Variants in TNK2 observed in about 807,000 individuals in gnomAD.
TNK2 encodes activated CDC42 kinase 1.
TNK2 carries 83 observed loss-of-function variants against 101.8 expected under a neutral mutation model. The ratio of observed to expected loss-of-function variants is 0.82; its 90% CI spans 0.68 to 0.98. The LOEUF (loss-of-function observed/expected upper bound fraction) is 0.98. TNK2 is among the 50% of genes least tolerant of loss of function. The pLI, the probability that TNK2 is intolerant of heterozygous loss-of-function variation, is 0.00. For missense variants in TNK2, 1,665 were observed against 1,483.2 expected, an observed-to-expected ratio of 1.12 and a Z score of -2.01; for synonymous variants, 804 against 633.0, an observed-to-expected ratio of 1.27 and a Z score of -4.06.
rs746486555 is a variant in TNK2 at position 195,868,278 on chromosome 3, C to A, written c.2020G>T (p.Val674Phe). 1 of 1,604,100 alleles carries A rather than the reference C, an allele frequency of 6.2e-7. No homozygotes were observed. Among genetic ancestry groups the A allele is most frequent in the Non-Finnish European group, 8.5e-7 (1 of 1,179,550 alleles). ...SINSTLVGAG[V>F]PAGPSQGQTN... ...TGGCCCTGGCTGGGCCCGGCAGGGA[C>A]CCCCGCGCCCACGAGGGTGCTGTTG... The change falls in exon 13 of 16, where the codon GTC (valine) becomes TTC (phenylalanine). Residue 674 changes from valine to phenylalanine, a missense_variant. This residue lies in a region of TNK2 where 1,136 missense variants were observed against 894.9 expected (regional missense o/e 1.27). Coordinates refer to ENST00000672887, the MANE Select transcript of TNK2 (RefSeq NM_001382273.1).
chr3:195,876,347 A>G (rs1325410116), intron 9 of TNK2: 1 of 452,476 alleles, frequency 2.2e-6, no homozygotes, highest in African/African-American at 2.0e-5. Context: ...TACTGGACAC[A>G]GCTTCGCAAG....
At chr3:195,881,592 CA>C (rs1560513152) in intron 6 of TNK2, among the ~76,000 whole-genome samples, 1 of 104,960 alleles carries the variant, frequency 9.5e-6, no homozygotes, top group African/African-American at 4.3e-5. Context: ...AACACCCCCC[CA>C]GCGATGCCCC....
At chr3:195,897,569 T>C (rs902352680) in intron 1 of TNK2, among the ~76,000 whole-genome samples, 2 of 152,206 alleles carry the variant, frequency 1.3e-5, no homozygotes, top group East Asian at 1.9e-4. Flanking sequence ...TGGTGCGATC[T>C]TGGCTCACTG....
At chr3:195,866,749 G>C (rs1345572563) in intron 15 of TNK2, 140 bp downstream of exon 15, 1 of 1,260,600 alleles carries the variant, frequency 7.9e-7, no homozygotes, top group South Asian at 1.5e-5. Flanking sequence ...GGCCCTGTGA[G>C]CGCCTCCCTC....
intron 1 of TNK2, among the ~76,000 whole-genome samples, chr3:195,907,350 G>A (rs1329484500): frequency 6.6e-6 from 1 of 152,184 alleles, no homozygotes; most frequent in Non-Finnish European, 1.5e-5. Flanking sequence ...TCCAGCAGCT[G>A]CTACCTCCAG....
At position 195,885,083 on chromosome 3, in the gene TNK2, G is replaced by A; in HGVS notation, c.235-50C>T. ...GATGGAATCCAACACCCCAGGGTCA[G>A]TCACTCAGTCCCACCCCGCTGGGTC... On this transcript the variant is annotated intron_variant, in intron 3 of 15. Coordinates refer to ENST00000672887, the MANE Select transcript of TNK2 (RefSeq NM_001382273.1). The surrounding 1 kb of genome is among the most constrained non-coding windows in gnomAD (Gnocchi z 4.7). 1 of 1,512,734 alleles carries A rather than the reference G, an allele frequency of 6.6e-7. No homozygotes were observed. The highest frequency in any genetic ancestry group is 8.9e-7 in the Non-Finnish European group (1 of 1,119,026). The allele number at this position is 1,512,734 out of a possible 1,614,324, so 93.7% of individuals were successfully genotyped here.
Position 195,867,221 on chromosome 3 carries a change from G to A in TNK2, c.2981C>T (p.Ala994Val), listed in dbSNP as rs571171423. 3.0e-5 allele frequency: 48 copies of A among 1,613,020 alleles called. No homozygotes were observed. Among genetic ancestry groups the A allele is most frequent in the Admixed American group, 1.0e-4 (6 of 60,022 alleles). Residue 994 changes from alanine to valine, a missense_variant, in exon 14 of 16, where the codon GCG becomes GTG. Ala to Val is a moderately conservative substitution (Grantham distance 64). Coordinates refer to ENST00000672887, the MANE Select transcript of TNK2 (RefSeq NM_001382273.1). ...VHGVTTEECQ[A>V]ALQCHGWSVQ... is the part of the protein sequence containing the mutation. ...GCTCCAGCCGTGGCACTGCAGGGCC[G>A]CCTGGCACTCCTCTGTGGTCACCCC...
intron 6 of TNK2, chr3:195,879,627 A>C: frequency 6.0e-6 from 1 of 165,828 alleles, no homozygotes; most frequent in Non-Finnish European, 1.3e-5. Flanking sequence ...ATGGGTAGAA[A>C]CAGTCATACT....
Position 195,879,236 on chromosome 3 carries a change from G to A in TNK2, c.888-61C>T. 4 of 1,600,402 alleles carry A rather than the reference G, an allele frequency of 2.5e-6. No homozygotes were observed. The South Asian group carries it at 4.4e-5, about 18-fold the overall frequency. ...AACACCCTACCTGCGTCCGCCCCAG[G>A]GACTTAAAACACTCATGCAGCAAAC... On this transcript the variant is annotated intron_variant, in intron 6 of 15. Transcript: ENST00000672887.
At chr3:195,895,249 C>T in intron 1 of TNK2, 2 of 1,542,938 alleles carry the variant, frequency 1.3e-6, no homozygotes, top group Non-Finnish European at 1.7e-6. Context: ...CCATTACCTG[C>T]GGTCCCTCCT....
At chr3:195,874,141 C>G (rs980639766) in intron 9 of TNK2, among the ~76,000 whole-genome samples, 1 of 152,354 alleles carries the variant, frequency 6.6e-6, no homozygotes, top group Admixed American at 6.5e-5. Context: ...CGGTGGCTGC[C>G]GCGGGCCAGA....
intron 11 of TNK2, 106 bp downstream of exon 11, chr3:195,870,008 A>C (rs1347567054): frequency 3.4e-6 from 3 of 889,398 alleles, no homozygotes; most frequent in Non-Finnish European, 5.0e-6. Flanking sequence ...CCCTGACCCC[A>C]CTGTCCCCAA....
chr3:195,886,822 C>T lies in TNK2; in HGVS notation c.234+155G>A, dbSNP rs889260118. Among the ~76,000 whole-genome samples the T allele has an allele frequency of 3.9e-5, 6 of 152,190 alleles. No individual in the cohort carries two copies. The East Asian group carries it at 1.2e-3, about 29-fold the overall frequency. ...CCAGCAGCTCTACAAGTGCCCTGCCCGATAAGACCCTGGACGAGGGGGTCC... is the reference window on the plus strand; with the variant it reads ...CCAGCAGCTCTACAAGTGCCCTGCCTGATAAGACCCTGGACGAGGGGGTCC... On this transcript the variant is annotated intron_variant, in intron 3 of 15. Transcript: ENST00000672887. This position sits in a 1 kb window ranked among gnomAD's most constrained non-coding sequence, Gnocchi z 4.2.
intron 1 of TNK2, among the ~76,000 whole-genome samples, chr3:195,889,419 G>A (rs1021496474): frequency 6.6e-6 from 1 of 152,204 alleles, no homozygotes; most frequent in African/African-American, 2.4e-5. Flanking sequence ...GGCACACTGA[G>A]CCACGAATCT....
At chr3:195,881,971 G>C (rs1753342005) in intron 6 of TNK2, 80 bp downstream of exon 6, 1 of 1,514,616 alleles carries the variant, frequency 6.6e-7, no homozygotes, top group African/African-American at 1.4e-5. Flanking sequence ...ACCAGGGGCT[G>C]TGGTGGGTCC....
rs539945548 is a variant in TNK2, at chr3:195,869,245, G to A, written c.1588+252C>T. 14 of 593,836 alleles carry A rather than the reference G, an allele frequency of 2.4e-5. No homozygotes were observed. In the African/African-American group the frequency reaches 2.6e-4, roughly 11 times the overall value. The allele number at this position is 593,836 out of a possible 1,614,324, so 36.8% of individuals were successfully genotyped here. On this transcript the variant is annotated intron_variant, in intron 12 of 15. Coordinates refer to ENST00000672887, the MANE Select transcript of TNK2 (RefSeq NM_001382273.1). ...CCAGGGCCACACTCGTGCTCCAGAA[G>A]CTCAGACAGGTCTGGGAGGGAGTGA... is the stretch of plus-strand genomic sequence containing the variant.
chr3:195,889,129 C>A (rs1001384766), intron 1 of TNK2, among the ~76,000 whole-genome samples: 1 of 151,700 alleles, frequency 6.6e-6, no homozygotes, highest in African/African-American at 2.4e-5. Flanking sequence ...ACCACCCCAG[C>A]CTCTCCTAAC....
At chr3:195,880,225 G>C (rs1427096949) in intron 6 of TNK2, among the ~76,000 whole-genome samples, 1 of 152,120 alleles carries the variant, frequency 6.6e-6, no homozygotes, top group African/African-American at 2.4e-5. Flanking sequence ...CTAGTGCACA[G>C]GTAAGCAGCC....
chr3:195,869,568 G>GGA, intron 11 of TNK2, 27 bp from the exon 12 acceptor site: 2 of 1,550,646 alleles, frequency 1.3e-6, no homozygotes, highest in South Asian at 1.2e-5. Context: ...GCGGACAGGG[G>GGA]GAGAGAGACG....
Sources: gnomAD v4.1 joint callset for allele counts (sites outside exome capture counted in the v4.1 genomes callset) on GRCh38, gnomAD v4.1.1 for gene constraint, gnomAD v4.1.1 regional missense constraint, Gnocchi (gnomAD v3.1) non-coding constraint, MANE v1.5 for transcripts, NCBI Gene and HGNC (gene_info 2026-07-23, HGNC 2026-07-21) for gene names.